The following TRPM3 variants were observed in gnomAD, a reference collection of about 807,000 sequenced individuals.
TRPM3 encodes transient receptor potential cation channel subfamily M member 3.
Under a neutral mutation model 181.2 loss-of-function variants are expected in TRPM3, and 77 were observed. That is an observed-to-expected ratio of 0.42 (90% confidence interval 0.35 to 0.51). The LOEUF (loss-of-function observed/expected upper bound fraction) is 0.51. Ranked by LOEUF, TRPM3 falls within the 20% of genes least tolerant of loss-of-function variation. The pLI is 0.01. For missense variants in TRPM3, 1,759 were observed against 2,196.7 expected, an observed-to-expected ratio of 0.80 and a Z score of 3.98; for synonymous variants, 745 against 796.4, an observed-to-expected ratio of 0.94 and a Z score of 1.09.
intron 9 of TRPM3, among the ~76,000 whole-genome samples, chr9:70,645,874 C>A (rs1343405123): frequency 5.3e-5 from 8 of 151,990 alleles, no homozygotes. Flanking sequence ...GGAACTTAAA[C>A]AAATTTACAA....
intron 1 of TRPM3, chr9:70,868,873 T>C (rs2095717835): frequency 2.2e-6 from 1 of 457,500 alleles, no homozygotes; most frequent in Non-Finnish European, 2.9e-6. Flanking sequence ...CATAAGTTCG[T>C]TTTGCCCTTT....
intron 18 of TRPM3, among the ~76,000 whole-genome samples, chr9:70,613,983 T>C (rs2062370657): frequency 6.6e-6 from 1 of 152,166 alleles, no homozygotes; most frequent in Admixed American, 6.5e-5. Flanking sequence ...TGGAGGCTCA[T>C]TCATCACTTT....
At chr9:71,068,999 T>C (rs1565122769) in intron 1 of TRPM3, among the ~76,000 whole-genome samples, 1 of 152,200 alleles carries the variant, frequency 6.6e-6, no homozygotes, top group Non-Finnish European at 1.5e-5. Flanking sequence ...AAATTGAGAA[T>C]AATATGCCTA....
At chr9:71,118,623 G>C (rs2072945941) in intron 1 of TRPM3, among the ~76,000 whole-genome samples, 1 of 152,166 alleles carries the variant, frequency 6.6e-6, no homozygotes, top group African/African-American at 2.4e-5. Context: ...TTTACTGACA[G>C]GTAGGGGCAC....
At chr9:71,092,339 C>T (rs1334526199) in intron 1 of TRPM3, among the ~76,000 whole-genome samples, 1 of 152,066 alleles carries the variant, frequency 6.6e-6, no homozygotes, top group Non-Finnish European at 1.5e-5. Context: ...TAAAACTATA[C>T]AAAAGAAAAC....
intron 12 of TRPM3, among the ~76,000 whole-genome samples, chr9:70,628,818 TA>T (rs10699305): frequency 0.043 from 3,869 of 89,458 alleles, 65 homozygotes; most frequent in Middle Eastern, 0.078. Context: ...GACTCTGTCT[TA>T]AAAAAAAAAA....
intron 3 of TRPM3, among the ~76,000 whole-genome samples, chr9:70,859,991 A>G (rs1422263041): frequency 6.6e-6 from 1 of 152,130 alleles, no homozygotes; most frequent in Non-Finnish European, 1.5e-5. Flanking sequence ...ACTGGAACAG[A>G]GTTGATTGTG....
intron 1 of TRPM3, among the ~76,000 whole-genome samples, chr9:70,967,535 G>T (rs1043852725): frequency 6.6e-6 from 1 of 151,964 alleles, no homozygotes; most frequent in Non-Finnish European, 1.5e-5. Context: ...AAAATAATAT[G>T]AATCACCATG....
intron 4 of TRPM3, among the ~76,000 whole-genome samples, chr9:70,844,892 C>A (rs1181833804): frequency 1.3e-5 from 2 of 152,072 alleles, no homozygotes; most frequent in African/African-American, 2.4e-5. Flanking sequence ...ATGCAATAGA[C>A]AATAATCACA....
rs1183971415 is a variant in TRPM3 at position 70,783,888 on chromosome 9, G to T, written c.1148+217C>A. 6.3e-6 allele frequency: 8 copies of T among 1,272,256 alleles called. No individual in the cohort carries two copies. The South Asian group carries it at 1.7e-4, about 26-fold the overall frequency. The allele number at this position is 1,272,256 out of a possible 1,614,324, so 78.8% of individuals were successfully genotyped here. ...CTTTTCCTCACCCTTTTTATTATCCGTGTAGCTTTCATAGAATTTCCCACT... is the reference window on the plus strand; with the variant it reads ...CTTTTCCTCACCCTTTTTATTATCCTTGTAGCTTTCATAGAATTTCCCACT... On this transcript the variant is annotated intron_variant, in intron 7 of 25. Transcript: ENST00000677713.
At chr9:71,225,584 G>A (rs988936091) in intron 1 of TRPM3, among the ~76,000 whole-genome samples, 3 of 152,128 alleles carry the variant, frequency 2.0e-5, no homozygotes, top group African/African-American at 4.8e-5. Flanking sequence ...ACAGAATAGT[G>A]TAACTCTATA....
intron 1 of TRPM3, among the ~76,000 whole-genome samples, chr9:71,015,138 T>C (rs1216305753): frequency 6.6e-6 from 1 of 152,162 alleles, no homozygotes. Flanking sequence ...TTGCATTTGG[T>C]ACCTGAACCA....
At chr9:71,134,073 T>G (rs539241607) in intron 1 of TRPM3, among the ~76,000 whole-genome samples, 1 of 152,098 alleles carries the variant, frequency 6.6e-6, no homozygotes, top group Non-Finnish European at 1.5e-5. Context: ...CATTACATTT[T>G]AAAGACTGAA....
chr9:71,028,462 A>G (rs2056862852), intron 1 of TRPM3, among the ~76,000 whole-genome samples: 1 of 152,222 alleles, frequency 6.6e-6, no homozygotes, highest in African/African-American at 2.4e-5. Context: ...CACATGTATC[A>G]ATACTAACCT....
chr9:70,575,873 G>A (rs2053796904), intron 22 of TRPM3, among the ~76,000 whole-genome samples: 1 of 152,088 alleles, frequency 6.6e-6, no homozygotes, highest in South Asian at 2.1e-4. Context: ...CCCACACCAG[G>A]CACTCCATAA....
At chr9:71,200,889 G>T (rs1228701973) in intron 1 of TRPM3, among the ~76,000 whole-genome samples, 1 of 150,368 alleles carries the variant, frequency 6.7e-6, no homozygotes, top group African/African-American at 2.4e-5. Flanking sequence ...AGTTAATATT[G>T]TTATGTGTGA....
At chr9:70,828,556 C>A (rs1055138749) in intron 5 of TRPM3, among the ~76,000 whole-genome samples, 2 of 152,010 alleles carry the variant, frequency 1.3e-5, no homozygotes, top group Admixed American at 1.3e-4. Context: ...AGGTGGAAAT[C>A]TTGAATATAA....
At chr9:71,114,501 T>C (rs2071857387) in intron 1 of TRPM3, among the ~76,000 whole-genome samples, 1 of 152,216 alleles carries the variant, frequency 6.6e-6, no homozygotes. Flanking sequence ...ATTTTCCAAG[T>C]ATAAAATTAA....
chr9:71,133,758 A>T (rs901500593), intron 1 of TRPM3, among the ~76,000 whole-genome samples: 1 of 152,166 alleles, frequency 6.6e-6, no homozygotes. Context: ...AATTTTTAAC[A>T]TTTATATATT....
Sources: allele counts gnomAD v4.1 joint callset (sites outside exome capture counted in the v4.1 genomes callset), GRCh38; gene constraint gnomAD v4.1.1; transcripts MANE v1.5; gene names NCBI Gene and HGNC (gene_info 2026-07-23, HGNC 2026-07-21).